The following WDR89 variants were observed in gnomAD, a reference collection of about 807,000 sequenced individuals.
WDR89 encodes WD repeat domain 89.
In WDR89, 17 loss-of-function variants were observed where a neutral mutation model predicts 29.1. The ratio of observed to expected loss-of-function variants is 0.58; its 90% CI spans 0.40 to 0.88. The LOEUF (loss-of-function observed/expected upper bound fraction) is 0.88, where lower values mean the gene tolerates loss of function less well. Ranked by LOEUF, WDR89 falls within the 40% of genes least tolerant of loss-of-function variation. The probability of loss-of-function intolerance (pLI) is 0.00; values close to 1 mark genes in which losing one functional copy is unlikely to be tolerated. For missense variants in WDR89, 396 were observed against 456.3 expected, an observed-to-expected ratio of 0.87 and a Z score of 1.20; for synonymous variants, 138 against 157.8, an observed-to-expected ratio of 0.87 and a Z score of 0.94.
intron 2 of WDR89, among the ~76,000 whole-genome samples, chr14:63,602,196 C>T (rs1895095841): frequency 6.6e-6 from 1 of 152,138 alleles, no homozygotes; most frequent in South Asian, 2.1e-4. Flanking sequence ...TGTAATAGGT[C>T]AGGCATGGTG....
chr14:63,631,499 GA>G (rs1883403578), intron 1 of WDR89, among the ~76,000 whole-genome samples: 1 of 151,604 alleles, frequency 6.6e-6, no homozygotes, highest in Non-Finnish European at 1.5e-5. Flanking sequence ...CCAAGTAGCT[GA>G]AAATACAGGT....
At chr14:63,600,054 C>T (rs1306508169) in intron 2 of WDR89, 81 bp from the exon 3 acceptor site, 5 of 826,768 alleles carry the variant, frequency 6.0e-6, no homozygotes, top group East Asian at 3.1e-5. Context: ...TGAAGTTTCT[C>T]TAAAATTGCA....
intron 1 of WDR89, among the ~76,000 whole-genome samples, chr14:63,636,674 C>T (rs893490843): frequency 7.2e-5 from 11 of 152,114 alleles, no homozygotes; most frequent in Non-Finnish European, 1.3e-4. Flanking sequence ...GAAAGGACAC[C>T]CTTTTCAACA....
At chr14:63,632,538 C>A (rs1883475005) in intron 1 of WDR89, among the ~76,000 whole-genome samples, 1 of 152,078 alleles carries the variant, frequency 6.6e-6, no homozygotes. Context: ...GAGGCTAAGG[C>A]ACGAGAATCA....
chr14:63,631,315 C>T (rs1290640387), intron 1 of WDR89, among the ~76,000 whole-genome samples: 1 of 152,042 alleles, frequency 6.6e-6, no homozygotes, highest in Non-Finnish European at 1.5e-5. Context: ...AAATATTTTT[C>T]TTTTCTTTCT....
chr14:63,639,101 C>G (rs1883927745), intron 1 of WDR89, among the ~76,000 whole-genome samples: 1 of 152,094 alleles, frequency 6.6e-6, no homozygotes, highest in Non-Finnish European at 1.5e-5. Context: ...CAGGCAGCCA[C>G]TACAAGCTGA....
chr14:63,627,160 T>A lies in WDR89; in HGVS notation c.-137-2127A>T, dbSNP rs1054936410. On this transcript the variant is annotated intron_variant, in intron 1 of 2. Transcript: ENST00000620954. Reference sequence around the variant, plus strand: ...CACACACACACACACACTCTCTCTCTCTCTCTCTCTCTCTCTCTCTCTCCT... The same window carrying A: ...CACACACACACACACACTCTCTCTCACTCTCTCTCTCTCTCTCTCTCTCCT... Among the ~76,000 whole-genome samples the A allele has an allele frequency of 1.4e-3, 189 of 138,896 alleles. 1 individual carries two copies. The highest frequency in any genetic ancestry group is 2.8e-3 in the African/African-American group (98 of 35,596). The allele number at this position is 138,896 out of a possible 152,430, so 91.1% of individuals were successfully genotyped here. A position where few individuals can be genotyped will look rare whatever the true frequency, so the allele number is the denominator to read the frequency against.
At chr14:63,633,181 G>A (rs1449442512) in intron 1 of WDR89, among the ~76,000 whole-genome samples, 1 of 151,998 alleles carries the variant, frequency 6.6e-6, no homozygotes, top group African/African-American at 2.4e-5. Context: ...ATGATAACCT[G>A]CAGAATAAAC....
intron 2 of WDR89, among the ~76,000 whole-genome samples, chr14:63,608,666 G>GCACACACACACACA (rs57605983): frequency 8.9e-4 from 129 of 144,752 alleles, no homozygotes; most frequent in East Asian, 5.1e-3. Context: ...TGTGGTGCAT[G>GCACACACACACACA]CACACACACA....
At chr14:63,618,818 G>A (rs557971218) in intron 2 of WDR89, among the ~76,000 whole-genome samples, 4 of 152,224 alleles carry the variant, frequency 2.6e-5, no homozygotes, top group East Asian at 1.9e-4. Context: ...AAGTGTCCAC[G>A]GAGAAAAGGG....
intron 1 of WDR89, among the ~76,000 whole-genome samples, chr14:63,638,646 C>A (rs1883900574): frequency 6.6e-6 from 1 of 152,158 alleles, no homozygotes; most frequent in African/African-American, 2.4e-5. Flanking sequence ...CAGGAATATT[C>A]ATTTACCTTT....
At chr14:63,618,803 T>G (rs1439682052) in intron 2 of WDR89, among the ~76,000 whole-genome samples, 1 of 152,128 alleles carries the variant, frequency 6.6e-6, no homozygotes, top group Non-Finnish European at 1.5e-5. Flanking sequence ...AAGGAAAGAT[T>G]CTACAAGTGT....
intron 2 of WDR89, among the ~76,000 whole-genome samples, chr14:63,609,125 A>C (rs1354873689): frequency 2.4e-5 from 3 of 125,832 alleles, no homozygotes; most frequent in African/African-American, 1.3e-4. Context: ...AAAAAAACCC[A>C]AAAAAACAAA....
At chr14:63,621,340 C>T (rs1595030342) in intron 2 of WDR89, among the ~76,000 whole-genome samples, 1 of 152,212 alleles carries the variant, frequency 6.6e-6, no homozygotes, top group East Asian at 1.9e-4. Context: ...ACAACCTCTG[C>T]CTTTTGCAGC....
chr14:63,635,145 TA>T (rs1353207376), intron 1 of WDR89, among the ~76,000 whole-genome samples: 1 of 152,090 alleles, frequency 6.6e-6, no homozygotes, highest in East Asian at 1.9e-4. Context: ...AGCATCACCC[TA>T]ATACCAAAAC....
At chr14:63,624,583 C>T (rs1321105957) in intron 2 of WDR89, among the ~76,000 whole-genome samples, 1 of 149,928 alleles carries the variant, frequency 6.7e-6, no homozygotes, top group African/African-American at 2.4e-5. Context: ...GATAAAGTTG[C>T]TATATCCAGA....
chr14:63,598,606 AT>A lies in WDR89; in HGVS notation c.*172del. The A allele has an allele frequency of 1.9e-6, 1 of 515,274 alleles. No homozygotes were observed. The highest frequency in any genetic ancestry group is 3.1e-6 in the Non-Finnish European group (1 of 324,354). The allele number at this position is 515,274 out of a possible 1,614,324, so 31.9% of individuals were successfully genotyped here. ...TGATTTTATACTTAGAGGCTTTAAA[AT>A]TTTTTAGAATATGTGAAGACCGGAA... On this transcript the variant is annotated 3_prime_UTR_variant, in exon 3 of 3. Coordinates refer to ENST00000620954, the MANE Select transcript of WDR89 (RefSeq NM_080666.4).
At position 63,598,765 on chromosome 14, in the gene WDR89, T is replaced by C. The variant is rs556502859; in HGVS notation, c.*14A>G. 5 of 1,555,216 alleles carry C rather than the reference T, an allele frequency of 3.2e-6. No individual in the cohort carries two copies. In the Admixed American group the frequency reaches 7.8e-5, roughly 24 times the overall value. ...AAACTATAAAACCTACCAAACAAAG[T>C]GCCAAATGCATTATCACTGCTTTTT... On this transcript the variant is annotated 3_prime_UTR_variant, in exon 3 of 3. Coordinates refer to ENST00000620954, the MANE Select transcript of WDR89 (RefSeq NM_080666.4).
chr14:63,621,989 C>T lies in WDR89; in HGVS notation c.-32+2939G>A, dbSNP rs1011371292. ...AACAGTATGATAACAAATTGAAATC[C>T]GGATTGACATAAAGAAATAAAGAGC... On this transcript the variant is annotated intron_variant, in intron 2 of 2. Transcript: ENST00000620954. 2.6e-5 allele frequency: 4 copies of T among 152,218 alleles called. No homozygotes were observed. In the East Asian group the frequency reaches 7.7e-4, roughly 29 times the overall value. 9.4% of individuals were successfully genotyped at this position (152,218 alleles called of 1,614,324 possible). A position where few individuals can be genotyped will look rare whatever the true frequency, so the allele number is the denominator to read the frequency against.
Sources: gnomAD v4.1 joint callset for allele counts (sites outside exome capture counted in the v4.1 genomes callset) on GRCh38, gnomAD v4.1.1 for gene constraint, MANE v1.5 for transcripts, NCBI Gene and HGNC (gene_info 2026-07-23, HGNC 2026-07-21) for gene names.